Variants in KAZN observed in about 807,000 individuals in gnomAD.
KAZN encodes the protein kazrin, periplakin interacting protein.
Under a neutral mutation model 87.4 loss-of-function variants are expected in KAZN, and 40 were observed. That is an observed-to-expected ratio of 0.46 (90% CI 0.36 to 0.60). The LOEUF (loss-of-function observed/expected upper bound fraction) is 0.60. KAZN is among the 20% of genes least tolerant of loss of function. The probability of loss-of-function intolerance (pLI) is 0.00; values close to 1 mark genes in which losing one functional copy is unlikely to be tolerated. For missense variants in KAZN, 898 were observed against 1,073.9 expected (o/e 0.84, Z 2.29); for synonymous variants, 466 against 458.3 (o/e 1.02, Z -0.22).
intron 1 of KAZN, chr1:14,924,451 C>CGGGCCCGCGCGGCCCCCG: frequency 1.0e-6 from 1 of 988,516 alleles, no homozygotes; most frequent in Non-Finnish European, 1.2e-6. Context: ...GGGCGGGGGC[C>CGGGCCCGCGCGGCCCCCG]GGGCCCGCGC....
At position 14,362,979 on chromosome 1, in the gene KAZN, G is replaced by A. The variant is rs187606665; in HGVS notation, c.249+182387G>A. 6.1e-4 allele frequency among the ~76,000 whole-genome samples: 93 copies of A among 152,246 alleles called. No homozygotes were observed. The Middle Eastern group carries it at 0.014, about 22-fold the overall frequency. On this transcript the variant is annotated intron_variant, in intron 2 of 16. Transcript: ENST00000636203. The stretch of plus-strand genomic sequence containing the variant: ...GATGGCAAAGGCAGCACAGAACTTT[G>A]GATCCTGTCTCCTAGCCCATGCTGT...
intron 2 of KAZN, among the ~76,000 whole-genome samples, chr1:14,505,740 G>A (rs373942946): frequency 3.9e-5 from 6 of 152,204 alleles, no homozygotes; most frequent in East Asian, 3.9e-4. Flanking sequence ...TTGGGAGGCC[G>A]AGGTGGGTGG....
chr1:14,533,110 G>A (rs1557782349), intron 2 of KAZN, among the ~76,000 whole-genome samples: 2 of 152,122 alleles, frequency 1.3e-5, no homozygotes, highest in Non-Finnish European at 2.9e-5. Flanking sequence ...TCCAAAATGA[G>A]AATCAAGTTA....
At chr1:14,646,857 T>C (rs1680847801) in intron 1 of KAZN, among the ~76,000 whole-genome samples, 2 of 152,198 alleles carry the variant, frequency 1.3e-5, no homozygotes, top group African/African-American at 4.8e-5. Flanking sequence ...CCTTGCCTCT[T>C]TGTGACAACT....
At chr1:14,765,199 G>A (rs1644853568) in intron 1 of KAZN, among the ~76,000 whole-genome samples, 1 of 152,190 alleles carries the variant, frequency 6.6e-6, no homozygotes, top group African/African-American at 2.4e-5. Context: ...CCAGATGCCA[G>A]TATCATTCTC....
intron 1 of KAZN, among the ~76,000 whole-genome samples, chr1:14,851,569 C>T (rs1649449327): frequency 1.3e-5 from 2 of 152,212 alleles, no homozygotes; most frequent in African/African-American, 4.8e-5. Flanking sequence ...ATTCAGGGGG[C>T]CTGTTGAGGG....
intron 2 of KAZN, among the ~76,000 whole-genome samples, chr1:14,524,636 G>C (rs1671770498): frequency 6.6e-6 from 1 of 152,116 alleles, no homozygotes; most frequent in African/African-American, 2.4e-5. Context: ...TAACCCCCCA[G>C]GCATGTCAGT....
At chr1:14,938,831 A>G (rs762184831) in intron 1 of KAZN, among the ~76,000 whole-genome samples, 7 of 152,240 alleles carry the variant, frequency 4.6e-5, no homozygotes, top group Non-Finnish European at 8.8e-5. Context: ...CACCTCTTGT[A>G]AAATGAGAAT....
At chr1:14,555,824 C>A (rs541028080) in intron 2 of KAZN, among the ~76,000 whole-genome samples, 1 of 152,306 alleles carries the variant, frequency 6.6e-6, no homozygotes, top group Admixed American at 6.5e-5. Context: ...AGTCAACTGA[C>A]CCCGATGTTT....
At chr1:14,099,067 C>T (rs879710202) in intron 1 of KAZN, among the ~76,000 whole-genome samples, 2 of 152,108 alleles carry the variant, frequency 1.3e-5, no homozygotes, top group Non-Finnish European at 2.9e-5. Flanking sequence ...CAGTGTTCTA[C>T]TTAGTTTGAT....
chr1:15,104,388 A>G (rs1291593144), intron 13 of KAZN, among the ~76,000 whole-genome samples, 199 bp downstream of exon 13: 4 of 152,204 alleles, frequency 2.6e-5, no homozygotes, highest in East Asian at 1.9e-4. Context: ...AAGGTCATAG[A>G]CTAGAAAGAC....
intron 1 of KAZN, among the ~76,000 whole-genome samples, chr1:14,848,502 A>AGAAG (rs1649044535): frequency 6.6e-6 from 1 of 152,238 alleles, no homozygotes; most frequent in Non-Finnish European, 1.5e-5. Context: ...GCCAATTATC[A>AGAAG]TTGCTAACCA....
At chr1:14,199,424 A>G (rs1646594724) in intron 2 of KAZN, among the ~76,000 whole-genome samples, 1 of 152,178 alleles carries the variant, frequency 6.6e-6, no homozygotes. Context: ...CACCTCTCGC[A>G]GGGCCCTTCC....
chr1:15,110,387 GTGTT>G (rs1223511538), intron 13 of KAZN, among the ~76,000 whole-genome samples: 7 of 23,872 alleles, frequency 2.9e-4, no homozygotes, highest in South Asian at 0.011. Flanking sequence ...GTGTATTTGT[GTGTT>G]TGTGTGTGTC....
At chr1:14,880,158 GC>G (rs1260026000) in intron 1 of KAZN, among the ~76,000 whole-genome samples, 7 of 152,158 alleles carry the variant, frequency 4.6e-5, no homozygotes, top group Non-Finnish European at 1.0e-4. Flanking sequence ...AAAGGGAGCT[GC>G]CCCATCAAAT....
At chr1:14,913,014 C>T (rs1218810915) in intron 1 of KAZN, among the ~76,000 whole-genome samples, 2 of 152,180 alleles carry the variant, frequency 1.3e-5, no homozygotes, top group African/African-American at 4.8e-5. Flanking sequence ...ACCTGAGACA[C>T]TTGGCAAGAT....
intron 1 of KAZN, among the ~76,000 whole-genome samples, chr1:13,920,436 T>C (rs11580525): frequency 0.09 from 13,680 of 152,172 alleles, 818 homozygotes; most frequent in South Asian, 0.2. Context: ...TTCAAGAGTG[T>C]AAGTCCTCCA....
chr1:13,996,124 C>A (rs1478950720), intron 1 of KAZN, among the ~76,000 whole-genome samples: 1 of 152,102 alleles, frequency 6.6e-6, no homozygotes, highest in Non-Finnish European at 1.5e-5. Flanking sequence ...GGGGAACCCT[C>A]AACCCCCAGC....
At chr1:15,026,690 G>T (rs1671195649) in intron 2 of KAZN, among the ~76,000 whole-genome samples, 1 of 148,280 alleles carries the variant, frequency 6.7e-6, no homozygotes, top group African/African-American at 2.5e-5. Context: ...CCACATCGAT[G>T]AATTCAACCA....
Sources: gnomAD v4.1 joint callset for allele counts (sites outside exome capture counted in the v4.1 genomes callset) on GRCh38, gnomAD v4.1.1 for gene constraint, MANE v1.5 for transcripts, NCBI Gene and HGNC (gene_info 2026-07-23, HGNC 2026-07-21) for gene names.